The following STK10 variants were observed in gnomAD, a reference collection of about 807,000 sequenced individuals.
STK10 encodes the protein serine/threonine kinase 10.
Under a neutral mutation model 113.8 loss-of-function variants are expected in STK10, and 78 were observed. That is an observed-to-expected ratio of 0.69 (90% CI 0.57 to 0.83). The LOEUF (loss-of-function observed/expected upper bound fraction) is 0.83. Among genes scored for constraint, STK10 ranks in the 40% least tolerant of loss-of-function variants. STK10 has a pLI of 0.00. For synonymous variants in STK10, 465 were observed against 494.7 expected, an observed-to-expected ratio of 0.94 and a Z score of 0.80; for missense variants, 1,109 against 1,280.1, an observed-to-expected ratio of 0.87 and a Z score of 2.04.
At chr5:172,123,212 G>A (rs1434340081) in intron 3 of STK10, among the ~76,000 whole-genome samples, 1 of 152,204 alleles carries the variant, frequency 6.6e-6, no homozygotes, top group Non-Finnish European at 1.5e-5. Context: ...AGCAGGGCAG[G>A]CATCTGCAGG....
intron 15 of STK10, 164 bp downstream of exon 15, chr5:172,057,185 C>A: frequency 1.0e-6 from 1 of 958,322 alleles, no homozygotes; most frequent in Non-Finnish European, 1.5e-6. Flanking sequence ...GCAGGACGCC[C>A]CTGGAGAACC....
chr5:172,121,538 G>A (rs1009854865), intron 3 of STK10, among the ~76,000 whole-genome samples: 1 of 151,774 alleles, frequency 6.6e-6, no homozygotes, highest in African/African-American at 2.4e-5. Flanking sequence ...AGGGCGCGGT[G>A]GCTCACGCCT....
chr5:172,146,033 G>A (rs947819994), intron 2 of STK10, among the ~76,000 whole-genome samples: 3 of 152,190 alleles, frequency 2.0e-5, no homozygotes, highest in Non-Finnish European at 4.4e-5. Context: ...ACTGTGTGGC[G>A]TCCATCTGTT....
intron 1 of STK10, among the ~76,000 whole-genome samples, chr5:172,160,068 G>A (rs1308101929): frequency 6.6e-6 from 1 of 151,878 alleles, no homozygotes; most frequent in Non-Finnish European, 1.5e-5. Context: ...CTCGGGAGAC[G>A]GAGATTGCAG....
At chr5:172,051,821 T>A (rs1039681253) in intron 18 of STK10, among the ~76,000 whole-genome samples, 1 of 151,898 alleles carries the variant, frequency 6.6e-6, no homozygotes. Context: ...GCCACCAGGA[T>A]GTTGGTATTG....
At chr5:172,069,606 A>G (rs1165693947) in intron 12 of STK10, among the ~76,000 whole-genome samples, 4 of 152,206 alleles carry the variant, frequency 2.6e-5, no homozygotes, top group Non-Finnish European at 5.9e-5. Flanking sequence ...ATAAACAAAT[A>G]AATAAATAAA....
chr5:172,143,149 C>T (rs1258358472), intron 2 of STK10, among the ~76,000 whole-genome samples: 1 of 152,164 alleles, frequency 6.6e-6, no homozygotes, highest in Non-Finnish European at 1.5e-5. Context: ...CAGTGGTTCA[C>T]GAGTTCAGGA....
intron 2 of STK10, among the ~76,000 whole-genome samples, chr5:172,138,896 C>A (rs189485876): frequency 3.9e-5 from 6 of 152,238 alleles, no homozygotes; most frequent in Admixed American, 3.9e-4. Context: ...TGCCTGTAGT[C>A]CCAGCTACTC....
chr5:172,170,443 G>A (rs116563913), intron 1 of STK10, among the ~76,000 whole-genome samples: 1,578 of 152,202 alleles, frequency 0.01, 34 homozygotes, highest in African/African-American at 0.035. Context: ...TCAGCTCAAC[G>A]ACAAGTGAGA....
chr5:172,146,636 T>C (rs1471589307), intron 2 of STK10, among the ~76,000 whole-genome samples: 1 of 152,168 alleles, frequency 6.6e-6, no homozygotes, highest in Admixed American at 6.5e-5. Context: ...ACACCCAGCC[T>C]GGCGCACAGA....
intron 13 of STK10, among the ~76,000 whole-genome samples, chr5:172,064,145 C>G (rs954122636): frequency 5.9e-5 from 9 of 152,026 alleles, no homozygotes; most frequent in African/African-American, 2.2e-4. Context: ...GGAAGCCTCG[C>G]TGGGAGGCCA....
intron 2 of STK10, among the ~76,000 whole-genome samples, chr5:172,137,171 TA>T (rs1432071801): frequency 1.3e-5 from 2 of 152,164 alleles, no homozygotes; most frequent in African/African-American, 4.8e-5. Flanking sequence ...CCCTTAACTA[TA>T]AACGTCTTAG....
At chr5:172,052,226 A>C (rs1767643736) in intron 18 of STK10, among the ~76,000 whole-genome samples, 2 of 152,180 alleles carry the variant, frequency 1.3e-5, no homozygotes, top group African/African-American at 4.8e-5. Context: ...GAGGTGGAGG[A>C]GGCCACGTGA....
At chr5:172,140,769 T>A (rs1165435838) in intron 2 of STK10, among the ~76,000 whole-genome samples, 1 of 152,088 alleles carries the variant, frequency 6.6e-6, no homozygotes, top group Non-Finnish European at 1.5e-5. Context: ...TTCTGGGTAT[T>A]TATCCAAAAG....
chr5:172,181,047 C>T (rs187317395), intron 1 of STK10, among the ~76,000 whole-genome samples: 2 of 152,160 alleles, frequency 1.3e-5, no homozygotes, highest in Admixed American at 6.5e-5. Context: ...AAGGAATGCA[C>T]AAAACACACA....
intron 10 of STK10, among the ~76,000 whole-genome samples, chr5:172,087,722 G>A (rs1462604729): frequency 1.8e-5 from 2 of 109,306 alleles, no homozygotes; most frequent in Non-Finnish European, 3.9e-5. Flanking sequence ...TCCGCCTCCC[G>A]GGTTCACGCC....
chr5:172,044,647 A>G lies in STK10; in HGVS notation c.*235T>C, dbSNP rs574425170. ...TGAAGGGATCTGGGGCTCAAGGAGA[A>G]TATACATTAGGTTCAGGTGACAAAT... is the stretch of plus-strand genomic sequence containing the variant. On this transcript the variant is annotated 3_prime_UTR_variant, in exon 19 of 19. Transcript: ENST00000176763. This position sits in a 1 kb window ranked among gnomAD's most constrained non-coding sequence, Gnocchi z 4.5. 4.9e-6 allele frequency: 3 copies of G among 609,336 alleles called. No homozygotes were observed. The South Asian group carries it at 5.9e-5, about 12-fold the overall frequency. 37.7% of individuals were successfully genotyped at this position (609,336 alleles called of 1,614,324 possible).
chr5:172,181,556 C>T (rs1770856046), intron 1 of STK10, among the ~76,000 whole-genome samples: 1 of 150,548 alleles, frequency 6.6e-6, no homozygotes, highest in African/African-American at 2.4e-5. Context: ...AATCTTGGCT[C>T]ACTGCAACCT....
At chr5:172,149,817 G>A (rs541255492) in intron 2 of STK10, among the ~76,000 whole-genome samples, 9 of 151,974 alleles carry the variant, frequency 5.9e-5, no homozygotes, top group South Asian at 2.1e-4. Context: ...AGGCCGAGGC[G>A]GGTGGATCAC....
Sources: gnomAD v4.1 joint callset for allele counts (sites outside exome capture counted in the v4.1 genomes callset) on GRCh38, gnomAD v4.1.1 for gene constraint, Gnocchi (gnomAD v3.1) non-coding constraint, MANE v1.5 for transcripts, NCBI Gene and HGNC (gene_info 2026-07-23, HGNC 2026-07-21) for gene names.